BCAT2: variants seen among roughly 807,000 people sequenced by gnomAD.
BCAT2 encodes the protein branched chain amino acid transaminase 2.
Under a neutral mutation model 52.9 loss-of-function variants are expected in BCAT2, and 44 were observed. The ratio of observed to expected loss-of-function variants is 0.83; its 90% CI spans 0.65 to 1.07. The LOEUF is 1.07. BCAT2 is among the 50% of genes least tolerant of loss of function. BCAT2 has a pLI of 0.00. For synonymous variants in BCAT2, 215 were observed against 217.1 expected (o/e 0.99, Z 0.08); for missense variants, 478 against 521.8 (o/e 0.92, Z 0.82).
At chr19:48,795,532 TTCCAGGCCGAG>T in intron 10 of BCAT2, 68 bp from the exon 11 acceptor site, 1 of 1,579,962 alleles carries the variant, frequency 6.3e-7, no homozygotes, top group Admixed American at 1.7e-5. Context: ...CCCTGGGGTG[TTCCAGGCCGAG>T]TGCCTACGGA....
intron 1 of BCAT2, chr19:48,808,291 G>C (rs1253429187): frequency 1.0e-6 from 1 of 982,876 alleles, no homozygotes; most frequent in East Asian, 1.1e-4. Context: ...CAGTGCGACA[G>C]CCAGCCTGTG....
rs1046780083 is a variant in BCAT2 at position 48,795,616 on chromosome 19, G to T, written c.1141-152C>A. The stretch of plus-strand genomic sequence containing the variant: ...TCCCAGAGGGCCCCAACAATGATGG[G>T]AACGGGGAATCAAGGCTAAGGCGGC... On this transcript the variant is annotated intron_variant, in intron 10 of 10. Coordinates refer to ENST00000316273, the MANE Select transcript of BCAT2 (RefSeq NM_001190.4). The T allele has an allele frequency of 3.5e-6, 3 of 861,014 alleles. No homozygotes were observed. The African/African-American group carries it at 5.0e-5, about 14-fold the overall frequency. The allele number at this position is 861,014 out of a possible 1,614,324, so 53.3% of individuals were successfully genotyped here. A position where few individuals can be genotyped will look rare whatever the true frequency, so the allele number is the denominator to read the frequency against.
chr19:48,797,032 G>C lies in BCAT2; in HGVS notation c.839-10C>G. On this transcript the variant is annotated splice_polypyrimidine_tract_variant and intron_variant, in intron 7 of 10. Transcript: ENST00000316273. ...GTCACCAGCTCCAGCACTAGGGCAG[G>C]TGTAAGGGGTGGAAGATGTTACCTC... 1 of 1,614,116 alleles carries C rather than the reference G, an allele frequency of 6.2e-7. No individual in the cohort carries two copies. The highest frequency in any genetic ancestry group is 8.5e-7 in the Non-Finnish European group (1 of 1,179,956).
rs775013549 is a variant in BCAT2, at chr19:48,811,021, C to T, written c.-14G>A. ...GGCTGCGGCCATGATCCGTGCGGCG[C>T]GTAACTGTGCCCGCCCGGGGCGCGG... On this transcript the variant is annotated 5_prime_UTR_variant, in exon 1 of 11. Coordinates refer to ENST00000316273, the MANE Select transcript of BCAT2 (RefSeq NM_001190.4). 2 of 1,598,768 alleles carry T rather than the reference C, an allele frequency of 1.3e-6. No homozygotes were observed. The highest frequency in any genetic ancestry group is 8.5e-7 in the Non-Finnish European group (1 of 1,174,120).
intron 10 of BCAT2, 68 bp downstream of exon 10, chr19:48,796,360 G>T: frequency 1.3e-6 from 2 of 1,583,854 alleles, no homozygotes; most frequent in South Asian, 1.1e-5. Context: ...TTAGTCCAGG[G>T]GCTCATGGGA....
At chr19:48,796,831 A>G (rs2034534157) in intron 8 of BCAT2, 106 bp downstream of exon 8, 1 of 1,593,552 alleles carries the variant, frequency 6.3e-7, no homozygotes, top group Admixed American at 1.7e-5. Flanking sequence ...GGAGAGACAG[A>G]CCCAGGAGAA....
At chr19:48,805,713 T>TCCCCTGCTGTCCCTCTCCCGCCATCCCTC (rs2034755025) in intron 3 of BCAT2, among the ~76,000 whole-genome samples, 1 of 38,410 alleles carries the variant, frequency 2.6e-5, no homozygotes, top group African/African-American at 1.1e-4. Flanking sequence ...CACCATCACT[T>TCCCCTGCTGTCCCTCTCCCGCCATCCCTC]CCCCGGCTGT....
Position 48,796,617 on chromosome 19 carries a change from G to A in BCAT2, c.1026C>T (p.Cys342=). The change falls in exon 9 of 11, where the codon TGC becomes TGT. Residue 342 remains cysteine (C), a synonymous_variant. Transcript: ENST00000316273. ...VREVFGSGTA[C]QVCPVHRILY... The stretch of plus-strand genomic sequence containing the variant: ...GGATTCGGTGCACTGGGCAGACCTG[G>A]CAAGCGGTGCCCGAGCCAAAGACTT... 1 of 1,613,668 alleles carries A rather than the reference G, an allele frequency of 6.2e-7. No individual in the cohort carries two copies. The highest frequency in any genetic ancestry group is 2.2e-5 in the East Asian group (1 of 44,868).
intron 6 of BCAT2, chr19:48,798,804 T>TG (rs748072364): frequency 6.6e-6 from 1 of 150,794 alleles, no homozygotes; most frequent in African/African-American, 2.4e-5. Context: ...TTTTTTTTTT[T>TG]TTTTTGTATT....
intron 3 of BCAT2, among the ~76,000 whole-genome samples, chr19:48,805,220 C>G (rs2034740841): frequency 6.6e-6 from 1 of 152,118 alleles, no homozygotes. Context: ...AACCAAATGC[C>G]TCCTGGATCT....
chr19:48,806,467 G>C (rs1479502854), intron 3 of BCAT2, 50 bp downstream of exon 3: 2 of 1,598,124 alleles, frequency 1.3e-6, no homozygotes, highest in African/African-American at 1.3e-5. Context: ...ACACAGCAAG[G>C]AGGAGGAGAT....
chr19:48,810,753 T>TA (rs1555774980), intron 1 of BCAT2: 291 of 984,636 alleles, frequency 3.0e-4, no homozygotes, highest in African/African-American at 9.1e-4. Flanking sequence ...TTTTTTTTTT[T>TA]ACCTCCCCGC....
At chr19:48,810,699 A>G in intron 1 of BCAT2, 1 of 322,978 alleles carries the variant, frequency 3.1e-6, no homozygotes, top group Non-Finnish European at 4.2e-6. Context: ...CCCCACCCCC[A>G]CGCCTCCCTC....
At chr19:48,808,373 A>G in intron 1 of BCAT2, 1 of 604,206 alleles carries the variant, frequency 1.7e-6, no homozygotes, top group Non-Finnish European at 2.1e-6. Flanking sequence ...GATGAGAAAA[A>G]GAAACACAGA....
chr19:48,800,079 G>C lies in BCAT2; in HGVS notation c.433C>G (p.Leu145Val). 6.2e-7 allele frequency: 1 copy of C among 1,614,036 alleles called. No homozygotes were observed. The highest frequency in any genetic ancestry group is 8.5e-7 in the Non-Finnish European group (1 of 1,179,938). Residue 145 changes from leucine to valine, a missense_variant, in exon 5 of 11, where the codon CTG becomes GTG. Physicochemically the swap from Leu to Val is conservative, Grantham distance 32 (BLOSUM62 1). Transcript: ENST00000316273. ...TCGATGAGCCGGCGGATGCACTCCA[G>C]CAACTCCAGCTTGTCGAAACTCTGG... ...CLPSFDKLEL[L>V]ECIRRLIEVD...
At chr19:48,808,353 G>C (rs1392701447) in intron 1 of BCAT2, 2 of 715,708 alleles carry the variant, frequency 2.8e-6, no homozygotes, top group African/African-American at 2.0e-5. Context: ...GTAAGAGATG[G>C]AAGAGGAAGG....
At chr19:48,795,859 A>C in intron 10 of BCAT2, 1 of 295,542 alleles carries the variant, frequency 3.4e-6, no homozygotes, top group Non-Finnish European at 6.4e-6. Flanking sequence ...AGATGGGAAT[A>C]CCCCCAGAGA....
intron 3 of BCAT2, among the ~76,000 whole-genome samples, chr19:48,802,973 T>C (rs1237689067): frequency 6.6e-6 from 1 of 152,152 alleles, no homozygotes; most frequent in African/African-American, 2.4e-5. Context: ...GGTGGGAGAA[T>C]TGCTTGAAGC....
intron 1 of BCAT2, among the ~76,000 whole-genome samples, chr19:48,809,425 C>T (rs988497043): frequency 6.6e-6 from 1 of 151,854 alleles, no homozygotes; most frequent in African/African-American, 2.4e-5. Flanking sequence ...CTCCATACTC[C>T]AGGACTGTCC....
Sources: gnomAD v4.1 joint callset for allele counts (sites outside exome capture counted in the v4.1 genomes callset) on GRCh38, gnomAD v4.1.1 for gene constraint, MANE v1.5 for transcripts, NCBI Gene and HGNC (gene_info 2026-07-23, HGNC 2026-07-21) for gene names.